Variants in ATP6V1B1 observed in about 807,000 individuals in gnomAD.
The protein encoded by ATP6V1B1 is ATPase H+ transporting V1 subunit B1, also known as V-type proton ATPase subunit B, kidney isoform.
Under a neutral mutation model 62.1 loss-of-function variants are expected in ATP6V1B1, and 41 were observed. That is an observed-to-expected ratio of 0.66 (90% CI 0.51 to 0.86). The LOEUF is 0.86. ATP6V1B1 is among the 40% of genes least tolerant of loss of function. The probability of loss-of-function intolerance (pLI) is 0.00; values close to 1 mark genes in which losing one functional copy is unlikely to be tolerated. For missense variants in ATP6V1B1, 651 were observed against 697.5 expected, an observed-to-expected ratio of 0.93 and a Z score of 0.75; for synonymous variants, 253 against 273.4, an observed-to-expected ratio of 0.93 and a Z score of 0.74.
chr2:70,959,162 T>G lies in ATP6V1B1; in HGVS notation c.445+67T>G. On this transcript the variant is annotated intron_variant, in intron 5 of 13. Coordinates refer to ENST00000234396, the MANE Select transcript of ATP6V1B1 (RefSeq NM_001692.4). This position sits in a 1 kb window ranked among gnomAD's most constrained non-coding sequence, Gnocchi z 4.2. The stretch of plus-strand genomic sequence containing the variant: ...TAACACCTTCCCCACTCTTGGAAGT[T>G]CTGCCCAGACTCACAAGCAGATCAG... 3 of 1,542,122 alleles carry G rather than the reference T, an allele frequency of 1.9e-6. No individual in the cohort carries two copies. In the South Asian group the frequency reaches 3.4e-5, roughly 17 times the overall value.
intron 1 of ATP6V1B1, chr2:70,941,582 T>C: frequency 1.3e-6 from 1 of 794,150 alleles, no homozygotes; most frequent in Non-Finnish European, 1.5e-6. Flanking sequence ...CCACTGCAGT[T>C]TGTAATTATG....
At chr2:70,937,831 C>T (rs1010391916) in intron 1 of ATP6V1B1, among the ~76,000 whole-genome samples, 5 of 152,118 alleles carry the variant, frequency 3.3e-5, no homozygotes, top group African/African-American at 1.2e-4. Flanking sequence ...AAGCCTGGAG[C>T]CACCTCCAGC....
intron 2 of ATP6V1B1, among the ~76,000 whole-genome samples, chr2:70,946,585 T>C (rs1680180363): frequency 6.6e-6 from 1 of 152,238 alleles, no homozygotes; most frequent in African/African-American, 2.4e-5. Context: ...AATCCCAGTT[T>C]CCTCATCTAT....
intron 2 of ATP6V1B1, among the ~76,000 whole-genome samples, chr2:70,957,250 A>AATGTATATATAT (rs1338125853): frequency 1.4e-5 from 2 of 144,912 alleles, no homozygotes; most frequent in East Asian, 4.1e-4. Context: ...CACACCTGGC[A>AATGTATATATAT]ATATATATAT....
Position 70,943,685 on chromosome 2 carries a change from G to C in ATP6V1B1, c.146G>C (p.Gly49Ala). The C allele has an allele frequency of 6.2e-7, 1 of 1,613,852 alleles. No individual in the cohort carries two copies. Among genetic ancestry groups the C allele is most frequent in the Non-Finnish European group, 8.5e-7 (1 of 1,179,968 alleles). ...VTYRTVCSVN[G>A]PLVVLDRVKF... Reference sequence around the variant, plus strand: ...TACAGGACTGTGTGCAGCGTGAACGGGCCCCTGGTGGTGCTGGACCGGGTC... The same window carrying C: ...TACAGGACTGTGTGCAGCGTGAACGCGCCCCTGGTGGTGCTGGACCGGGTC... Residue 49 changes from glycine (G) to alanine (A), a missense_variant, in exon 2 of 14, where the codon GGG becomes GCG. Gly to Ala is a moderately conservative substitution (Grantham distance 60, BLOSUM62 0). Transcript: ENST00000234396.
intron 2 of ATP6V1B1, among the ~76,000 whole-genome samples, chr2:70,957,121 C>T (rs1403415312): frequency 7.3e-6 from 1 of 137,474 alleles, no homozygotes; most frequent in South Asian, 2.4e-4. Context: ...GAGTCTCACT[C>T]TATCACCCAG....
intron 1 of ATP6V1B1, 21 bp downstream of exon 1, chr2:70,936,093 G>T: frequency 1.9e-6 from 3 of 1,609,172 alleles, no homozygotes; most frequent in Non-Finnish European, 2.6e-6. Context: ...CCTCCACCGT[G>T]ACGGGTGAGG....
intron 1 of ATP6V1B1, chr2:70,942,517 T>C: frequency 2.5e-6 from 1 of 397,536 alleles, no homozygotes; most frequent in Non-Finnish European, 4.4e-6. Context: ...CTTTTGGTTT[T>C]TCTTTGGCAT....
At chr2:70,950,932 ATTTTTT>A (rs55871344) in intron 2 of ATP6V1B1, among the ~76,000 whole-genome samples, 81 of 64,622 alleles carry the variant, frequency 1.3e-3, no homozygotes, top group African/African-American at 4.6e-3. Context: ...TTTTTTCCTG[ATTTTTT>A]TTTTTTTTTT....
chr2:70,963,764 C>A lies in ATP6V1B1; in HGVS notation c.1143+110C>A. On this transcript the variant is annotated intron_variant, in intron 11 of 13. Transcript: ENST00000234396. The surrounding 1 kb of genome is among the most constrained non-coding windows in gnomAD (Gnocchi z 4.3). ...TAGGAGGGGCCAGCCAAAGCGAACC[C>A]CAAACAGGAGACAGCCACAGGGAAG... 5 of 1,208,558 alleles carry A rather than the reference C, an allele frequency of 4.1e-6. No individual in the cohort carries two copies. In the East Asian group the frequency reaches 1.2e-4, roughly 30 times the overall value. The allele number at this position is 1,208,558 out of a possible 1,614,324, so 74.9% of individuals were successfully genotyped here.
chr2:70,965,196 C>T lies in ATP6V1B1; in HGVS notation c.*75C>T, dbSNP rs1680695879. 1.3e-6 allele frequency: 2 copies of T among 1,582,628 alleles called. No individual in the cohort carries two copies. Reference sequence around the variant, plus strand: ...CCCGGGTCTCCCCTCCCTCGCCACCCCAACCAGCGGCTTCTGCGCCGCCCT... The same window carrying T: ...CCCGGGTCTCCCCTCCCTCGCCACCTCAACCAGCGGCTTCTGCGCCGCCCT... On this transcript the variant is annotated 3_prime_UTR_variant, in exon 14 of 14. Transcript: ENST00000234396.
chr2:70,952,462 CAA>C (rs782618453), intron 2 of ATP6V1B1, among the ~76,000 whole-genome samples: 4 of 103,038 alleles, frequency 3.9e-5, no homozygotes, highest in Non-Finnish European at 6.1e-5. Context: ...GACTCTGTCT[CAA>C]AAAAAAAAAA....
Position 70,961,703 on chromosome 2 carries a change from C to T in ATP6V1B1, c.785+10C>T, listed in dbSNP as rs76241121. 336 of 1,613,872 alleles carry T rather than the reference C, an allele frequency of 2.1e-4. 2 individuals carry two copies. In the East Asian group the frequency reaches 6.3e-3, roughly 30 times the overall value. On this transcript the variant is annotated intron_variant, in intron 8 of 13. Coordinates refer to ENST00000234396, the MANE Select transcript of ATP6V1B1 (RefSeq NM_001692.4). ...TGGCCAATGACCCCACGTGAGCTTT[C>T]CCTGATGCCCAAACTGCCCTCAGGT...
intron 1 of ATP6V1B1, chr2:70,941,772 A>G (rs1221277981): frequency 2.0e-6 from 2 of 985,780 alleles, no homozygotes; most frequent in Non-Finnish European, 2.4e-6. Context: ...GTGGAGAGCC[A>G]GGCCAAACCT....
chr2:70,948,943 G>A (rs567888423), intron 2 of ATP6V1B1, among the ~76,000 whole-genome samples: 2 of 152,312 alleles, frequency 1.3e-5, no homozygotes, highest in Non-Finnish European at 2.9e-5. Flanking sequence ...AAGCCCTTAA[G>A]GTCACTAGTT....
Position 70,952,870 on chromosome 2 carries a change from G to A in ATP6V1B1, c.175-5176G>A, listed in dbSNP as rs181634797. On this transcript the variant is annotated intron_variant, in intron 2 of 13. Coordinates refer to ENST00000234396, the MANE Select transcript of ATP6V1B1 (RefSeq NM_001692.4). ...TAGCTAGTTCCTCCCGTACAAGGCTGAATAGAATGAGAATAGCAGGGATTC... is the reference window on the plus strand; with the variant it reads ...TAGCTAGTTCCTCCCGTACAAGGCTAAATAGAATGAGAATAGCAGGGATTC... 1.6e-4 allele frequency among the ~76,000 whole-genome samples: 24 copies of A among 152,308 alleles called. No homozygotes were observed. The East Asian group carries it at 4.4e-3, about 28-fold the overall frequency.
chr2:70,959,704 GCTATTTAAATTT>G lies in ATP6V1B1; in HGVS notation c.446-234_446-223del. ...TGTCCAAGGTAGCACTGGGCCTGTG[GCTATTTAAATTT>G]AAACTAATTCAAACAGAAAGAAAGT... On this transcript the variant is annotated intron_variant, in intron 5 of 13. Transcript: ENST00000234396. This position sits in a 1 kb window ranked among gnomAD's most constrained non-coding sequence, Gnocchi z 4.2. 6.6e-6 allele frequency among the ~76,000 whole-genome samples: 1 copy of G among 152,346 alleles called. No homozygotes were observed. The highest frequency in any genetic ancestry group is 6.5e-5 in the Admixed American group (1 of 15,310).
intron 2 of ATP6V1B1, among the ~76,000 whole-genome samples, chr2:70,955,687 G>T (rs897478670): frequency 6.6e-6 from 1 of 151,894 alleles, no homozygotes; most frequent in Non-Finnish European, 1.5e-5. Flanking sequence ...TGGCATATTT[G>T]TTTATTTCTC....
chr2:70,947,319 G>A (rs987516198), intron 2 of ATP6V1B1, among the ~76,000 whole-genome samples: 3 of 152,130 alleles, frequency 2.0e-5, no homozygotes, highest in African/African-American at 7.2e-5. Context: ...GGGGTGCAGG[G>A]GGCTTGTTAA....
Sources: gnomAD v4.1 joint callset for allele counts (sites outside exome capture counted in the v4.1 genomes callset) on GRCh38, gnomAD v4.1.1 for gene constraint, Gnocchi (gnomAD v3.1) non-coding constraint, MANE v1.5 for transcripts, NCBI Gene and HGNC (gene_info 2026-07-23, HGNC 2026-07-21) for gene names.